ILRUN: variants seen among roughly 807,000 people sequenced by gnomAD.
ILRUN encodes the protein protein ILRUN.
Under a neutral mutation model 33.8 loss-of-function variants are expected in ILRUN, and 3 were observed. That is an observed-to-expected ratio of 0.09 (90% CI 0.04 to 0.23). The LOEUF (loss-of-function observed/expected upper bound fraction) is 0.23. Among genes scored for constraint, ILRUN ranks in the 10% least tolerant of loss-of-function variants. The pLI, the probability that ILRUN is intolerant of heterozygous loss-of-function variation, is 1.00. For synonymous variants in ILRUN, 124 were observed against 138.9 expected (o/e 0.89, Z 0.75); for missense variants, 210 against 375.1 (o/e 0.56, Z 3.64).
chr6:34,695,213 T>C (rs1485702085), intron 1 of ILRUN, among the ~76,000 whole-genome samples: 1 of 152,086 alleles, frequency 6.6e-6, no homozygotes, highest in Non-Finnish European at 1.5e-5. Flanking sequence ...ATTCAGTGGA[T>C]AAGGAATAAA....
At chr6:34,603,174 T>A (rs1582035361) in intron 4 of ILRUN, among the ~76,000 whole-genome samples, 1 of 152,136 alleles carries the variant, frequency 6.6e-6, no homozygotes, top group Non-Finnish European at 1.5e-5. Context: ...AACTCAGTGA[T>A]CCCTGACACT....
chr6:34,678,574 G>A (rs1176132945), intron 1 of ILRUN, among the ~76,000 whole-genome samples: 7 of 151,528 alleles, frequency 4.6e-5, no homozygotes, highest in Admixed American at 6.6e-5. Flanking sequence ...TCAGCCAGGC[G>A]AGGTGGCTCA....
intron 1 of ILRUN, among the ~76,000 whole-genome samples, chr6:34,655,049 G>A (rs1762741775): frequency 6.6e-6 from 1 of 151,978 alleles, no homozygotes; most frequent in East Asian, 1.9e-4. Context: ...ATTACCCACA[G>A]GAAAACAAGA....
intron 1 of ILRUN, among the ~76,000 whole-genome samples, chr6:34,683,009 G>T (rs565594443): frequency 7.3e-5 from 11 of 151,660 alleles, no homozygotes; most frequent in South Asian, 2.1e-4. Flanking sequence ...CACATCTGTA[G>T]TCCCAGCTAT....
At chr6:34,694,600 A>T (rs1198620768) in intron 1 of ILRUN, among the ~76,000 whole-genome samples, 1 of 152,250 alleles carries the variant, frequency 6.6e-6, no homozygotes, top group African/African-American at 2.4e-5. Flanking sequence ...CATCAGACGT[A>T]ACAGATACAA....
intron 1 of ILRUN, among the ~76,000 whole-genome samples, chr6:34,662,418 A>C (rs946434892): frequency 3.3e-5 from 5 of 152,226 alleles, no homozygotes; most frequent in Non-Finnish European, 7.3e-5. Flanking sequence ...AAGAGAACTG[A>C]AAGCAGTTCT....
At chr6:34,610,839 T>C (rs374528190) in intron 3 of ILRUN, among the ~76,000 whole-genome samples, 2 of 152,190 alleles carry the variant, frequency 1.3e-5, no homozygotes, top group Non-Finnish European at 2.9e-5. Flanking sequence ...TAAATGCTTA[T>C]GAGAAAGCTA....
intron 3 of ILRUN, among the ~76,000 whole-genome samples, chr6:34,626,151 G>C (rs1277708144): frequency 3.9e-5 from 6 of 152,046 alleles, no homozygotes; most frequent in African/African-American, 1.4e-4. Flanking sequence ...CACCCGGCCA[G>C]GAGGCATTTT....
chr6:34,678,138 C>T (rs191012937), intron 1 of ILRUN, among the ~76,000 whole-genome samples: 3 of 152,212 alleles, frequency 2.0e-5, no homozygotes, highest in African/African-American at 7.2e-5. Flanking sequence ...CGCCTGAGTT[C>T]AAGAGATTCT....
chr6:34,689,761 A>G (rs1032014544), intron 1 of ILRUN, among the ~76,000 whole-genome samples: 3 of 151,552 alleles, frequency 2.0e-5, no homozygotes, highest in Non-Finnish European at 4.4e-5. Context: ...ATTTGTGGTT[A>G]TATCTTTATC....
intron 3 of ILRUN, among the ~76,000 whole-genome samples, chr6:34,627,704 CTTT>C (rs71000075): frequency 3.0e-5 from 4 of 134,842 alleles, no homozygotes; most frequent in Non-Finnish European, 6.3e-5. Context: ...GTCTTTGGCC[CTTT>C]TTTTTTTTTT....
intron 3 of ILRUN, among the ~76,000 whole-genome samples, chr6:34,639,405 A>G (rs1762426019): frequency 1.3e-5 from 2 of 152,206 alleles, no homozygotes; most frequent in Non-Finnish European, 2.9e-5. Flanking sequence ...GTCATGGTAC[A>G]GGGTAAATCT....
intron 3 of ILRUN, among the ~76,000 whole-genome samples, chr6:34,620,407 T>C (rs1056416260): frequency 3.9e-5 from 6 of 152,128 alleles, no homozygotes; most frequent in South Asian, 2.1e-4. Flanking sequence ...CTGTTGGAAG[T>C]TGGAGTCACT....
Position 34,696,505 on chromosome 6 carries a change from C to A in ILRUN, c.99G>T (p.Arg33Ser). 1.2e-6 allele frequency: 2 copies of A among 1,612,826 alleles called. No individual in the cohort carries two copies. Among genetic ancestry groups the A allele is most frequent in the Non-Finnish European group, 1.7e-6 (2 of 1,179,646 alleles). Residue 33 changes from arginine (R) to serine (S), a missense_variant, in exon 1 of 5, where the codon AGG (arginine) becomes AGT (serine). Transcript: ENST00000374023. ...CAGGATTGAGCTGGAAGCCGAGCAG[C>A]CTCTGGAACTCGGAGATGAGCACGT... ...DKDVLISEFQ[R>S]LLGFQLNPAG...
chr6:34,632,373 G>A (rs1476399981), intron 3 of ILRUN, among the ~76,000 whole-genome samples: 1 of 151,970 alleles, frequency 6.6e-6, no homozygotes, highest in East Asian at 1.9e-4. Flanking sequence ...CCTGGGAGGC[G>A]GAGGTTGCAG....
At chr6:34,683,008 A>G (rs1268651534) in intron 1 of ILRUN, among the ~76,000 whole-genome samples, 1 of 151,914 alleles carries the variant, frequency 6.6e-6, no homozygotes, top group Non-Finnish European at 1.5e-5. Context: ...ACACATCTGT[A>G]GTCCCAGCTA....
At chr6:34,674,909 C>T (rs1763195739) in intron 1 of ILRUN, among the ~76,000 whole-genome samples, 1 of 152,152 alleles carries the variant, frequency 6.6e-6, no homozygotes, top group South Asian at 2.1e-4. Flanking sequence ...CACACATACA[C>T]ACAAAAAAAT....
At chr6:34,633,489 A>C (rs1762288203) in intron 3 of ILRUN, among the ~76,000 whole-genome samples, 1 of 152,186 alleles carries the variant, frequency 6.6e-6, no homozygotes, top group Non-Finnish European at 1.5e-5. Flanking sequence ...ATGCTTTTGA[A>C]GTACGCATGG....
At chr6:34,632,813 A>ACGC (rs984247925) in intron 3 of ILRUN, among the ~76,000 whole-genome samples, 2 of 151,990 alleles carry the variant, frequency 1.3e-5, no homozygotes, top group Non-Finnish European at 2.9e-5. Context: ...GTGAGCCACC[A>ACGC]CGCCCGGCCA....
Sources: gnomAD v4.1 joint callset for allele counts (sites outside exome capture counted in the v4.1 genomes callset) on GRCh38, gnomAD v4.1.1 for gene constraint, MANE v1.5 for transcripts, NCBI Gene and HGNC (gene_info 2026-07-23, HGNC 2026-07-21) for gene names.